PARP8: variants seen among roughly 807,000 people sequenced by gnomAD.
The protein encoded by PARP8 is poly(ADP-ribose) polymerase family member 8, also known as protein mono-ADP-ribosyltransferase PARP8.
PARP8 carries 51 observed loss-of-function variants against 124.1 expected under a neutral mutation model. That is an observed-to-expected ratio of 0.41 (90% CI 0.33 to 0.52). PARP8 has a LOEUF of 0.52. Ranked by LOEUF, PARP8 falls within the 20% of genes least tolerant of loss-of-function variation. The pLI, the probability that PARP8 is intolerant of heterozygous loss-of-function variation, is 0.21. For missense variants in PARP8, 860 were observed against 1,018.9 expected, an observed-to-expected ratio of 0.84 and a Z score of 2.12; for synonymous variants, 391 against 361.5, an observed-to-expected ratio of 1.08 and a Z score of -0.93.
chr5:50,835,574 T>C (rs993773398), intron 25 of PARP8, among the ~76,000 whole-genome samples: 1 of 152,082 alleles, frequency 6.6e-6, no homozygotes, highest in African/African-American at 2.4e-5. Flanking sequence ...ACACCATCTC[T>C]GTCTCTCTAG....
chr5:50,690,729 C>T (rs766231474), intron 2 of PARP8, among the ~76,000 whole-genome samples: 10 of 152,164 alleles, frequency 6.6e-5, no homozygotes, highest in Non-Finnish European at 1.5e-4. Flanking sequence ...AGAAACTCAA[C>T]AGTGGCAATT....
intron 17 of PARP8, among the ~76,000 whole-genome samples, chr5:50,824,401 G>T (rs1746109044): frequency 6.6e-6 from 1 of 152,134 alleles, no homozygotes; most frequent in African/African-American, 2.4e-5. Context: ...GGTGATCCAG[G>T]TTTTTAAAGG....
chr5:50,683,955 A>T (rs766086419), intron 2 of PARP8, among the ~76,000 whole-genome samples: 5 of 152,198 alleles, frequency 3.3e-5, no homozygotes, highest in Non-Finnish European at 5.9e-5. Context: ...AATGTTAGTT[A>T]CCAAGATATG....
chr5:50,693,659 TCA>T (rs1435575947), intron 2 of PARP8, among the ~76,000 whole-genome samples: 1 of 151,470 alleles, frequency 6.6e-6, no homozygotes, highest in Non-Finnish European at 1.5e-5. Flanking sequence ...TATAATTAAG[TCA>T]CAGAAATCAA....
rs199720692 is a variant in PARP8, at chr5:50,768,259, TC to T, written c.518+5019del. Among the ~76,000 whole-genome samples the T allele has an allele frequency of 5.5e-3, 843 of 152,218 alleles. 7 individuals carry two copies. The highest frequency in any genetic ancestry group is 0.019 in the African/African-American group (789 of 41,534). ...GAGTGAGGATATTGTCTTGAGTAGT[TC>T]CATTAAAAATAGGAGAACAAATTGC... is the stretch of plus-strand genomic sequence containing the variant. On this transcript the variant is annotated intron_variant, in intron 7 of 25. Transcript: ENST00000281631.
At chr5:50,731,298 A>G (rs1756950384) in intron 2 of PARP8, among the ~76,000 whole-genome samples, 1 of 152,166 alleles carries the variant, frequency 6.6e-6, no homozygotes, top group Non-Finnish European at 1.5e-5. Context: ...GAAATCAAAA[A>G]TCTCTCAATT....
intron 10 of PARP8, among the ~76,000 whole-genome samples, chr5:50,793,265 C>G (rs1742164785): frequency 6.6e-6 from 1 of 152,176 alleles, no homozygotes; most frequent in South Asian, 2.1e-4. Flanking sequence ...GAAAAACAGA[C>G]AATCCTGAAG....
At chr5:50,838,114 G>A (rs1345276329) in intron 25 of PARP8, among the ~76,000 whole-genome samples, 1 of 152,040 alleles carries the variant, frequency 6.6e-6, no homozygotes, top group Admixed American at 6.6e-5. Flanking sequence ...CCCTCAAAAA[G>A]GGCTAATACC....
rs114118499 is a variant in PARP8, at chr5:50,839,450, A to G, written c.2463-2516A>G. ...TTGTAATAAATACTCTAATACCACT[A>G]GCAACTTATGTATCTAAGCCTTGCC... On this transcript the variant is annotated intron_variant, in intron 25 of 25. Coordinates refer to ENST00000281631, the MANE Select transcript of PARP8 (RefSeq NM_024615.4). Among the ~76,000 whole-genome samples the G allele has an allele frequency of 6.7e-3, 1,025 of 152,088 alleles. 7 individuals carry two copies. The highest frequency in any genetic ancestry group is 0.011 in the Non-Finnish European group (769 of 67,938).
At chr5:50,742,056 CG>C (rs1758104739) in intron 2 of PARP8, 1 of 251,794 alleles carries the variant, frequency 4.0e-6, no homozygotes, top group Non-Finnish European at 8.0e-6. Context: ...GTGATCCGCC[CG>C]CTTTGGCCTC....
chr5:50,695,224 A>T (rs531477085), intron 2 of PARP8, among the ~76,000 whole-genome samples: 1 of 152,306 alleles, frequency 6.6e-6, no homozygotes, highest in African/African-American at 2.4e-5. Context: ...CCAAGTGTAG[A>T]AATGGAATGA....
At chr5:50,771,282 C>T (rs1761606640) in intron 7 of PARP8, among the ~76,000 whole-genome samples, 1 of 152,222 alleles carries the variant, frequency 6.6e-6, no homozygotes, top group Non-Finnish European at 1.5e-5. Context: ...TTGTCAGCCT[C>T]CTGAGTAGCT....
chr5:50,692,524 GT>G (rs950178130), intron 2 of PARP8, among the ~76,000 whole-genome samples: 10 of 150,514 alleles, frequency 6.6e-5, no homozygotes, highest in African/African-American at 9.7e-5. Flanking sequence ...TTAGCACAGT[GT>G]TTTTTTTTCT....
chr5:50,761,731 G>T, intron 5 of PARP8, 90 bp from the exon 6 acceptor site: 1 of 796,820 alleles, frequency 1.3e-6, no homozygotes, highest in Non-Finnish European at 2.0e-6. Context: ...CATAATATAT[G>T]CTCAAGACTT....
chr5:50,796,924 A>G, intron 12 of PARP8, 58 bp from the exon 13 acceptor site: 1 of 1,428,520 alleles, frequency 7.0e-7, no homozygotes, highest in Non-Finnish European at 9.6e-7. Context: ...AAAGCCTGTA[A>G]TTTATACATT....
At chr5:50,675,257 A>C (rs140100562) in intron 2 of PARP8, among the ~76,000 whole-genome samples, 3 of 152,170 alleles carry the variant, frequency 2.0e-5, no homozygotes. Context: ...GGATTTGTCA[A>C]CTAACTCTGA....
chr5:50,707,803 C>T (rs1754315576), intron 2 of PARP8, among the ~76,000 whole-genome samples: 1 of 152,054 alleles, frequency 6.6e-6, no homozygotes, highest in South Asian at 2.1e-4. Flanking sequence ...TACTAAGAGT[C>T]TTATATCAAC....
chr5:50,729,242 A>G (rs1756737421), intron 2 of PARP8, among the ~76,000 whole-genome samples: 2 of 152,218 alleles, frequency 1.3e-5, no homozygotes, highest in Admixed American at 6.5e-5. Flanking sequence ...TGCAAAAGTA[A>G]TGCCAAATGG....
intron 7 of PARP8, among the ~76,000 whole-genome samples, chr5:50,763,537 C>T (rs2149581700): frequency 6.6e-6 from 1 of 151,940 alleles, no homozygotes; most frequent in East Asian, 1.9e-4. Flanking sequence ...CAGCTGGGCC[C>T]ATGCTGTTAT....
Sources: allele counts gnomAD v4.1 joint callset (sites outside exome capture counted in the v4.1 genomes callset), GRCh38; gene constraint gnomAD v4.1.1; transcripts MANE v1.5; gene names NCBI Gene and HGNC (gene_info 2026-07-23, HGNC 2026-07-21).